RAD51B: variants seen among roughly 807,000 people sequenced by gnomAD.
RAD51B encodes the protein RAD51 paralog B.
Under a neutral mutation model 42.2 loss-of-function variants are expected in RAD51B, and 38 were observed. That is an observed-to-expected ratio of 0.90 (90% CI 0.70 to 1.18). The LOEUF (loss-of-function observed/expected upper bound fraction) is 1.18, where lower values mean the gene tolerates loss of function less well. Ranked by LOEUF, RAD51B falls within the 50% of genes most tolerant of loss-of-function variation. RAD51B has a pLI of 0.00. For missense variants in RAD51B, 373 were observed against 400.7 expected, an observed-to-expected ratio of 0.93 and a Z score of 0.59; for synonymous variants, 154 against 145.2, an observed-to-expected ratio of 1.06 and a Z score of -0.43.
At chr14:68,446,185 A>G (rs2085416296) in intron 9 of RAD51B, among the ~76,000 whole-genome samples, 1 of 152,224 alleles carries the variant, frequency 6.6e-6, no homozygotes, top group Non-Finnish European at 1.5e-5. Flanking sequence ...GGTTTTTACA[A>G]TAACACTGTG....
Position 68,477,696 on chromosome 14 carries a change from G to A in RAD51B, c.*32G>A, listed in dbSNP as rs1031953090. 1.9e-6 allele frequency: 3 copies of A among 1,610,300 alleles called. No homozygotes were observed. Among genetic ancestry groups the A allele is most frequent in the Non-Finnish European group, 8.5e-7 (1 of 1,178,974 alleles). ...TGTGACCTTTGTCTAGAGTTGATGG[G>A]GGTGTGATTTGTGAAATAAAACAGG... On this transcript the variant is annotated 3_prime_UTR_variant, in exon 11 of 11. Transcript: ENST00000471583.
At chr14:67,911,679 A>G (rs2043984309) in intron 7 of RAD51B, among the ~76,000 whole-genome samples, 1 of 152,128 alleles carries the variant, frequency 6.6e-6, no homozygotes, top group Non-Finnish European at 1.5e-5. Flanking sequence ...CTAAAACTGT[A>G]CTCTTTACTA....
At chr14:68,444,221 C>T (rs2085367587) in intron 9 of RAD51B, among the ~76,000 whole-genome samples, 1 of 152,222 alleles carries the variant, frequency 6.6e-6, no homozygotes. Context: ...AGATGCCCAA[C>T]TTGTATTTGT....
intron 8 of RAD51B, among the ~76,000 whole-genome samples, chr14:68,326,186 A>G (rs1346026670): frequency 1.3e-5 from 2 of 151,592 alleles, no homozygotes; most frequent in Non-Finnish European, 2.9e-5. Context: ...TATTACAGGC[A>G]TGCACCACCA....
intron 7 of RAD51B, among the ~76,000 whole-genome samples, chr14:68,198,728 A>G (rs987223339): frequency 2.6e-5 from 4 of 152,170 alleles, no homozygotes; most frequent in African/African-American, 9.6e-5. Context: ...TTTTATTATT[A>G]TTTCTATATT....
chr14:68,398,284 A>G (rs1005215785), intron 8 of RAD51B, among the ~76,000 whole-genome samples: 2 of 152,200 alleles, frequency 1.3e-5, no homozygotes, highest in Non-Finnish European at 2.9e-5. Context: ...CTTTAAGTCA[A>G]ATTCATCAGA....
intron 7 of RAD51B, among the ~76,000 whole-genome samples, chr14:67,952,987 CTT>C (rs2074482779): frequency 6.6e-6 from 1 of 151,812 alleles, no homozygotes; most frequent in South Asian, 2.1e-4. Flanking sequence ...TTTTGTGAGA[CTT>C]ACATATATTC....
intron 7 of RAD51B, among the ~76,000 whole-genome samples, chr14:68,267,557 C>A (rs2081017194): frequency 6.6e-6 from 1 of 152,054 alleles, no homozygotes; most frequent in South Asian, 2.1e-4. Context: ...AATAAAAAGA[C>A]CAGTACTTCT....
intron 8 of RAD51B, among the ~76,000 whole-genome samples, chr14:68,370,780 C>T (rs1318077998): frequency 6.6e-6 from 1 of 152,096 alleles, no homozygotes; most frequent in African/African-American, 2.4e-5. Context: ...CGCAGTGGCT[C>T]ATGCCTGTAA....
At chr14:68,666,328 G>A (rs549745891) in intron 11 of RAD51B, among the ~76,000 whole-genome samples, 1 of 152,338 alleles carries the variant, frequency 6.6e-6, no homozygotes, top group South Asian at 2.1e-4. Context: ...AGCAGTTTGA[G>A]ATGACTTTCT....
At chr14:68,522,062 G>T (rs1886619856) in intron 10 of RAD51B, among the ~76,000 whole-genome samples, 1 of 152,204 alleles carries the variant, frequency 6.6e-6, no homozygotes, top group Non-Finnish European at 1.5e-5. Context: ...ACAGCTGGCA[G>T]GCTGAAATTT....
chr14:67,988,987 A>G (rs532028945), intron 7 of RAD51B, among the ~76,000 whole-genome samples: 2 of 152,334 alleles, frequency 1.3e-5, no homozygotes, highest in South Asian at 2.1e-4. Context: ...AAAGGTAAAT[A>G]TTTAGTAGTC....
At chr14:68,143,008 A>G (rs10438156) in intron 7 of RAD51B, among the ~76,000 whole-genome samples, 12,105 of 131,692 alleles carry the variant, frequency 0.092, 1,000 homozygotes, top group African/African-American at 0.25. Context: ...AAAGGCGCGG[A>G]GGGCGAGGGG....
chr14:68,436,430 G>C (rs2085149940), intron 9 of RAD51B, among the ~76,000 whole-genome samples: 1 of 152,116 alleles, frequency 6.6e-6, no homozygotes, highest in Non-Finnish European at 1.5e-5. Flanking sequence ...TAGCATTATA[G>C]TATAGTTTAA....
intron 10 of RAD51B, among the ~76,000 whole-genome samples, chr14:68,572,438 TG>T (rs1162478625): frequency 2.0e-5 from 3 of 152,254 alleles, no homozygotes; most frequent in Non-Finnish European, 4.4e-5. Context: ...TGAAATAAGA[TG>T]TGGGCATTGC....
At chr14:68,054,581 A>G (rs1277856972) in intron 7 of RAD51B, among the ~76,000 whole-genome samples, 1 of 152,114 alleles carries the variant, frequency 6.6e-6, no homozygotes, top group Non-Finnish European at 1.5e-5. Flanking sequence ...AAATTTACTT[A>G]TTTACTCAAT....
At chr14:68,179,815 G>T (rs771928284) in intron 7 of RAD51B, among the ~76,000 whole-genome samples, 102 of 152,178 alleles carry the variant, frequency 6.7e-4, no homozygotes, top group Admixed American at 1.3e-3. Flanking sequence ...TGGGTAAACA[G>T]ATGTTACATC....
At chr14:68,398,895 A>AT (rs895662617) in intron 8 of RAD51B, among the ~76,000 whole-genome samples, 24 of 152,044 alleles carry the variant, frequency 1.6e-4, no homozygotes, top group Admixed American at 1.0e-3. Context: ...CTAATACATG[A>AT]TTTTTTTTCA....
intron 7 of RAD51B, among the ~76,000 whole-genome samples, chr14:67,906,491 A>T (rs1173062154): frequency 6.6e-6 from 1 of 152,000 alleles, no homozygotes; most frequent in Non-Finnish European, 1.5e-5. Context: ...TTTTTACATC[A>T]GGTGGGCTTT....
Sources: allele counts gnomAD v4.1 joint callset (sites outside exome capture counted in the v4.1 genomes callset), GRCh38; gene constraint gnomAD v4.1.1; transcripts MANE v1.5; gene names NCBI Gene and HGNC (gene_info 2026-07-23, HGNC 2026-07-21).